The following ACSS3 variants were observed in gnomAD, a reference collection of about 807,000 sequenced individuals.
ACSS3 encodes acyl-CoA synthetase short-chain family member 3, mitochondrial.
Under a neutral mutation model 84.2 loss-of-function variants are expected in ACSS3, and 64 were observed. The ratio of observed to expected loss-of-function variants is 0.76; its 90% CI spans 0.62 to 0.94. The LOEUF (loss-of-function observed/expected upper bound fraction) is 0.94. ACSS3 is among the 40% of genes least tolerant of loss of function. ACSS3 has a pLI of 0.00. For synonymous variants in ACSS3, 317 were observed against 310.1 expected (o/e 1.02, Z -0.23); for missense variants, 815 against 867.6 (o/e 0.94, Z 0.76).
At chr12:81,122,007 C>T (rs1379358242) in intron 2 of ACSS3, among the ~76,000 whole-genome samples, 1 of 151,616 alleles carries the variant, frequency 6.6e-6, no homozygotes, top group East Asian at 1.9e-4. Context: ...GATCTTGGCT[C>T]ACTGCAGCCT....
At chr12:81,108,264 A>ATT (rs1555245677) in intron 1 of ACSS3, among the ~76,000 whole-genome samples, 56,111 of 140,398 alleles carry the variant, frequency 0.4, 12,663 homozygotes, top group Non-Finnish European at 0.53. Context: ...TATTATTATT[A>ATT]ATTATTATTA....
intron 9 of ACSS3, among the ~76,000 whole-genome samples, chr12:81,207,675 C>A (rs192342293): frequency 6.6e-6 from 1 of 152,088 alleles, no homozygotes; most frequent in Non-Finnish European, 1.5e-5. Context: ...ACTGTAAAAG[C>A]GGAACTTACG....
At chr12:81,081,638 A>G (rs1412870484) in intron 1 of ACSS3, among the ~76,000 whole-genome samples, 1 of 151,844 alleles carries the variant, frequency 6.6e-6, no homozygotes. Context: ...ATTGTGGTTG[A>G]CTCTCTGGGC....
chr12:81,182,108 G>A lies in ACSS3; in HGVS notation c.1250+7169G>A, dbSNP rs114740338. On this transcript the variant is annotated intron_variant, in intron 8 of 15. Transcript: ENST00000548058. ...TAATCTAAAGAGGCACATTATAATC[G>A]TATTATCAAAAGTCATATACAGAGA... Among the ~76,000 whole-genome samples the A allele has an allele frequency of 7.4e-3, 1,120 of 152,126 alleles. 18 individuals carry two copies. Among genetic ancestry groups the A allele is most frequent in the African/African-American group, 0.025 (1,053 of 41,502 alleles).
chr12:81,172,271 A>AAAAAAAAAAAAAAAC (rs1565703088), intron 7 of ACSS3, among the ~76,000 whole-genome samples: 1 of 149,434 alleles, frequency 6.7e-6, no homozygotes, highest in African/African-American at 2.5e-5. Flanking sequence ...AAAAAAAAAA[A>AAAAAAAAAAAAAAAC]AAAAAAGGCC....
Position 81,233,378 on chromosome 12 carries a change from C to T in ACSS3, c.1626C>T (p.Tyr542=). The T allele has an allele frequency of 6.2e-7, 1 of 1,610,698 alleles. No homozygotes were observed. ...PGYYDTMDAG[Y]MDEEGYLYVM... ...ATTATGATACCATGGATGCTGGTTA[C>T]ATGGATGAAGAAGGCTATTTGTATG... Residue 542 remains tyrosine, a synonymous_variant, in exon 13 of 16, where the codon TAC becomes TAT. Coordinates refer to ENST00000548058, the MANE Select transcript of ACSS3 (RefSeq NM_024560.4).
chr12:81,130,133 A>G (rs1258886934), intron 2 of ACSS3, among the ~76,000 whole-genome samples: 3 of 152,220 alleles, frequency 2.0e-5, no homozygotes, highest in African/African-American at 4.8e-5. Flanking sequence ...TCCTTTGGGT[A>G]TATACCCAGT....
intron 11 of ACSS3, among the ~76,000 whole-genome samples, chr12:81,226,044 A>G (rs780763425): frequency 1.3e-5 from 2 of 151,928 alleles, no homozygotes; most frequent in African/African-American, 2.4e-5. Flanking sequence ...TTTAAAAAGT[A>G]TAGTCTAACC....
chr12:81,141,594 C>A (rs551857510), intron 4 of ACSS3, among the ~76,000 whole-genome samples: 1 of 152,080 alleles, frequency 6.6e-6, no homozygotes, highest in Non-Finnish European at 1.5e-5. Context: ...TTGCACATAC[C>A]TCTGTTTCTT....
In ACSS3 at chr12:81,109,631, A is replaced by C. The variant is rs139584882; in HGVS notation, c.383A>C (p.Lys128Thr). The change falls in exon 2 of 16, where the codon AAG (lysine) becomes ACG (threonine). Residue 128 changes from lysine to threonine, a missense_variant. Physicochemically the swap from Lys to Thr is moderately conservative, Grantham distance 78. Coordinates refer to ENST00000548058, the MANE Select transcript of ACSS3 (RefSeq NM_024560.4). Reference protein sequence around the residue: ...DRHIENGKGDKIAIIYDSPVT... With the variant: ...DRHIENGKGDTIAIIYDSPVT... Reference sequence around the variant, plus strand: ...CATATTGAAAATGGTAAAGGGGATAAGATTGCTATCATCTATGACAGTCCT... The same window carrying C: ...CATATTGAAAATGGTAAAGGGGATACGATTGCTATCATCTATGACAGTCCT... 5,902 of 1,612,982 alleles carry C rather than the reference A, an allele frequency of 3.7e-3. 21 individuals are homozygous for C. Among genetic ancestry groups the C allele is most frequent in the Non-Finnish European group, 4.5e-3 (5,269 of 1,179,402 alleles).
At chr12:81,198,452 T>C (rs1216811003) in intron 8 of ACSS3, among the ~76,000 whole-genome samples, 1 of 152,114 alleles carries the variant, frequency 6.6e-6, no homozygotes, top group Non-Finnish European at 1.5e-5. Context: ...TAAAATATAC[T>C]ACGTTGTTCA....
At chr12:81,227,523 A>G (rs1042410928) in intron 11 of ACSS3, among the ~76,000 whole-genome samples, 8 of 151,876 alleles carry the variant, frequency 5.3e-5, no homozygotes, top group African/African-American at 1.9e-4. Flanking sequence ...TAAGAAATCA[A>G]TATCTATTTG....
chr12:81,231,214 C>T lies in ACSS3; in HGVS notation c.1596+76C>T, dbSNP rs531489147. 187 of 1,222,128 alleles carry T rather than the reference C, an allele frequency of 1.5e-4. 1 individual carries two copies. Among genetic ancestry groups the T allele is most frequent in the Admixed American group, 3.1e-4 (12 of 39,090 alleles). The allele number at this position is 1,222,128 out of a possible 1,614,324, so 75.7% of individuals were successfully genotyped here. On this transcript the variant is annotated intron_variant, in intron 12 of 15. Transcript: ENST00000548058. ...CTTGCCTATTAAATTGAGAAACTTG[C>T]TCCTAGAATCGTAGATCAAAAAGAA...
At chr12:81,145,312 C>G (rs143826968) in intron 5 of ACSS3, among the ~76,000 whole-genome samples, 5 of 151,988 alleles carry the variant, frequency 3.3e-5, no homozygotes, top group African/African-American at 1.2e-4. Flanking sequence ...TCCTAATGTA[C>G]CATCCTGAGA....
Position 81,174,772 on chromosome 12 carries a change from A to T in ACSS3, c.1099-16A>T. ...CACATTTTATCCAGTGACATTTTAA[A>T]TGAATCTCATTGTAGGGGAAGCCTG... is the stretch of plus-strand genomic sequence containing the variant. On this transcript the variant is annotated splice_polypyrimidine_tract_variant and intron_variant, in intron 7 of 15. Coordinates refer to ENST00000548058, the MANE Select transcript of ACSS3 (RefSeq NM_024560.4). The T allele has an allele frequency of 6.2e-7, 1 of 1,607,060 alleles. No individual in the cohort carries two copies. Among genetic ancestry groups the T allele is most frequent in the Non-Finnish European group, 8.5e-7 (1 of 1,175,308 alleles).
intron 2 of ACSS3, among the ~76,000 whole-genome samples, chr12:81,126,190 T>C (rs1885082112): frequency 6.6e-6 from 1 of 152,236 alleles, no homozygotes; most frequent in South Asian, 2.1e-4. Flanking sequence ...CCTTCACTTT[T>C]TCAGCCAAAT....
intron 2 of ACSS3, among the ~76,000 whole-genome samples, chr12:81,133,720 A>C (rs573171260): frequency 4.6e-5 from 7 of 152,054 alleles, no homozygotes; most frequent in African/African-American, 1.7e-4. Context: ...CACAATAGAT[A>C]ATTTACTTAT....
At chr12:81,199,524 T>C in intron 9 of ACSS3, 80 bp downstream of exon 9, 4 of 1,498,514 alleles carry the variant, frequency 2.7e-6, no homozygotes, top group Non-Finnish European at 3.7e-6. Context: ...ACTTTTGAGC[T>C]ACGACCAGCA....
At chr12:81,235,954 C>G (rs754343000) in intron 13 of ACSS3, among the ~76,000 whole-genome samples, 2 of 151,202 alleles carry the variant, frequency 1.3e-5, no homozygotes, top group African/African-American at 4.8e-5. Context: ...AATCTGAATG[C>G]TTTTTTTGGT....
Sources: gnomAD v4.1 joint callset for allele counts (sites outside exome capture counted in the v4.1 genomes callset) on GRCh38, gnomAD v4.1.1 for gene constraint, MANE v1.5 for transcripts, NCBI Gene and HGNC (gene_info 2026-07-23, HGNC 2026-07-21) for gene names.